FBXL5: variants seen among roughly 807,000 people sequenced by gnomAD.
FBXL5 encodes the protein F-box/LRR-repeat protein 5.
Under a neutral mutation model 78.3 loss-of-function variants are expected in FBXL5, and 26 were observed. The ratio of observed to expected loss-of-function variants is 0.33; its 90% CI spans 0.24 to 0.46. The LOEUF (loss-of-function observed/expected upper bound fraction) is 0.46. FBXL5 is among the 20% of genes least tolerant of loss of function. The pLI is 1.00. For synonymous variants in FBXL5, 295 were observed against 282.5 expected (o/e 1.04, Z -0.45); for missense variants, 710 against 829.2 (o/e 0.86, Z 1.77).
At chr4:15,679,594 C>T (rs1300273863) in intron 1 of FBXL5, among the ~76,000 whole-genome samples, 1 of 150,024 alleles carries the variant, frequency 6.7e-6, no homozygotes, top group African/African-American at 2.5e-5. Context: ...AACAAAAAAC[C>T]AACACCCAAT....
At chr4:15,628,341 A>T (rs1284830528) in intron 6 of FBXL5, among the ~76,000 whole-genome samples, 1 of 152,190 alleles carries the variant, frequency 6.6e-6, no homozygotes, top group Admixed American at 6.5e-5. Context: ...AACTCAACTA[A>T]ATTAGCCTGA....
In FBXL5 at chr4:15,644,725, A is replaced by G. The variant is rs781076429; in HGVS notation, c.85-17T>C. 1.9e-6 allele frequency: 3 copies of G among 1,569,696 alleles called. No homozygotes were observed. In the Admixed American group the frequency reaches 5.3e-5, roughly 27 times the overall value. ...TTTAGAAAGCTGAATAAAAATTTAA[A>G]AAGAAAAGTGTAATAAATACGTGCA... On this transcript the variant is annotated splice_polypyrimidine_tract_variant and intron_variant, in intron 1 of 10. Transcript: ENST00000341285.
chr4:15,633,399 A>G (rs991563129), intron 5 of FBXL5, among the ~76,000 whole-genome samples: 1 of 152,214 alleles, frequency 6.6e-6, no homozygotes, highest in African/African-American at 2.4e-5. Context: ...TAGCCTCATT[A>G]TGATAACAGC....
intron 2 of FBXL5, 96 bp from the exon 3 acceptor site, chr4:15,640,979 G>A: frequency 1.7e-6 from 1 of 577,082 alleles, no homozygotes; most frequent in Non-Finnish European, 2.9e-6. Flanking sequence ...AAACCTCCGG[G>A]GAAAAAAAAA....
chr4:15,656,337 G>A (rs932077414), upstream of FBXL5: 6 of 456,066 alleles, frequency 1.3e-5, no homozygotes, highest in Admixed American at 9.4e-5. Flanking sequence ...GTTGGCTGGA[G>A]TACTGCTGGA....
At chr4:15,610,035 ATAATT>A (rs1468489783) in intron 10 of FBXL5, among the ~76,000 whole-genome samples, 5 of 152,106 alleles carry the variant, frequency 3.3e-5, no homozygotes, top group African/African-American at 1.2e-4. Context: ...TATTTGAAAT[ATAATT>A]TGTCACCTAA....
intron 1 of FBXL5, among the ~76,000 whole-genome samples, chr4:15,673,197 T>C (rs1004179736): frequency 3.3e-5 from 5 of 152,184 alleles, no homozygotes; most frequent in Non-Finnish European, 7.3e-5. Flanking sequence ...ATAAGCACTT[T>C]GGGAGGCCGA....
chr4:15,655,822 C>G (rs1461273715), upstream of FBXL5, among the ~76,000 whole-genome samples: 1 of 152,184 alleles, frequency 6.6e-6, no homozygotes, highest in African/African-American at 2.4e-5. Flanking sequence ...CTGCGATTGG[C>G]CCGTGCCAGA....
At position 15,628,851 on chromosome 4, in the gene FBXL5, A is replaced by G. The variant is rs376571703; in HGVS notation, c.893-818T>C. ...AAAAATTACTTTAGTGAGCCCTACT[A>G]TAATTTTATTCCCAAACCATTCTTT... is the stretch of plus-strand genomic sequence containing the variant. On this transcript the variant is annotated intron_variant, in intron 6 of 10. Coordinates refer to ENST00000341285, the MANE Select transcript of FBXL5 (RefSeq NM_012161.4). Among the ~76,000 whole-genome samples, 201 of 152,128 alleles carry G rather than the reference A, an allele frequency of 1.3e-3. 2 individuals carry two copies. Among genetic ancestry groups the G allele is most frequent in the African/African-American group, 4.6e-3 (190 of 41,516 alleles).
At chr4:15,670,073 T>C (rs1032626529) in intron 1 of FBXL5, among the ~76,000 whole-genome samples, 1 of 152,252 alleles carries the variant, frequency 6.6e-6, no homozygotes, top group Non-Finnish European at 1.5e-5. Context: ...TATGGAGGTG[T>C]ACCTTGAAAT....
At chr4:15,644,200 G>A (rs1262551001) in intron 2 of FBXL5, among the ~76,000 whole-genome samples, 1 of 152,092 alleles carries the variant, frequency 6.6e-6, no homozygotes, top group African/African-American at 2.4e-5. Context: ...GAATCCCCTT[G>A]GCCTTGATGT....
At chr4:15,666,592 G>C (rs535798393) in intron 1 of FBXL5, among the ~76,000 whole-genome samples, 1 of 152,236 alleles carries the variant, frequency 6.6e-6, no homozygotes, top group South Asian at 2.1e-4. Context: ...ACAGCAGGGT[G>C]ATTACAGTCA....
chr4:15,656,582 A>G (rs1716968331), upstream of FBXL5, among the ~76,000 whole-genome samples: 1 of 152,250 alleles, frequency 6.6e-6, no homozygotes, highest in South Asian at 2.1e-4. Flanking sequence ...TTTAGTTCTA[A>G]TCTTATATTA....
chr4:15,669,396 G>A (rs1717671014), intron 1 of FBXL5, among the ~76,000 whole-genome samples: 1 of 152,108 alleles, frequency 6.6e-6, no homozygotes, highest in African/African-American at 2.4e-5. Flanking sequence ...TATATGTAGT[G>A]TTTTGTTAAC....
intron 1 of FBXL5, among the ~76,000 whole-genome samples, chr4:15,646,042 T>C (rs1167048345): frequency 6.6e-6 from 1 of 152,178 alleles, no homozygotes; most frequent in Non-Finnish European, 1.5e-5. Flanking sequence ...GTAAATAATC[T>C]AGAGCAAGAA....
intron 4 of FBXL5, among the ~76,000 whole-genome samples, chr4:15,637,975 ACT>A (rs1382723071): frequency 1.3e-5 from 2 of 151,964 alleles, no homozygotes; most frequent in South Asian, 2.1e-4. Context: ...ATACAGAAAA[ACT>A]CTGCCTCTAG....
At chr4:15,640,945 C>T in intron 2 of FBXL5, 62 bp from the exon 3 acceptor site, 1 of 882,510 alleles carries the variant, frequency 1.1e-6, no homozygotes, top group South Asian at 1.9e-5. Flanking sequence ...ATGTCTGGTC[C>T]CAGGAAGTTT....
upstream of FBXL5, among the ~76,000 whole-genome samples, chr4:15,660,115 G>C (rs375072593): frequency 2.0e-5 from 3 of 149,978 alleles, no homozygotes; most frequent in African/African-American, 7.4e-5. Flanking sequence ...GTTTCACTCT[G>C]TCACCCAGGC....
intron 1 of FBXL5, among the ~76,000 whole-genome samples, chr4:15,652,200 T>C (rs1716161555): frequency 6.6e-6 from 1 of 152,284 alleles, no homozygotes; most frequent in Admixed American, 6.5e-5. Flanking sequence ...AATATAAATA[T>C]TTACTAACAT....
Sources: gnomAD v4.1 joint callset for allele counts (sites outside exome capture counted in the v4.1 genomes callset) on GRCh38, gnomAD v4.1.1 for gene constraint, MANE v1.5 for transcripts, NCBI Gene and HGNC (gene_info 2026-07-23, HGNC 2026-07-21) for gene names.